The following CYP3A5 variants were observed in gnomAD, a reference collection of about 807,000 sequenced individuals.
CYP3A5 encodes the protein cytochrome P450 family 3 subfamily A member 5.
A neutral mutation model predicts 55.9 loss-of-function variants in CYP3A5; 51 were observed. The observed-to-expected ratio is 0.91, with a 90% CI of 0.73 to 1.15. CYP3A5 has a LOEUF of 1.15. CYP3A5 is among the 50% of genes most tolerant of loss of function. The pLI is 0.00. For missense variants in CYP3A5, 533 were observed against 596.6 expected, an observed-to-expected ratio of 0.89 and a Z score of 1.11; for synonymous variants, 196 against 213.9, an observed-to-expected ratio of 0.92 and a Z score of 0.73.
chr7:99,666,564 T>C, intron 6 of CYP3A5, 37 bp downstream of exon 6: 1 of 1,603,572 alleles, frequency 6.2e-7, no homozygotes, highest in Non-Finnish European at 8.5e-7. Context: ...GAAGGGCTCA[T>C]GACAGCTCAG....
chr7:99,659,706 G>C (rs1229471504), intron 10 of CYP3A5: 1 of 152,566 alleles, frequency 6.6e-6, no homozygotes, highest in Non-Finnish European at 1.5e-5. Flanking sequence ...ACCTCCTTGA[G>C]CTGCGGTGGG....
At chr7:99,674,500 G>A in intron 3 of CYP3A5, 33 bp downstream of exon 3, 2 of 1,583,396 alleles carry the variant, frequency 1.3e-6, no homozygotes, top group Non-Finnish European at 1.7e-6. Context: ...CACAGTAGCA[G>A]GTCTATCCAA....
At chr7:99,660,347 C>T in intron 10 of CYP3A5, 152 bp downstream of exon 10, 1 of 1,332,726 alleles carries the variant, frequency 7.5e-7, no homozygotes, top group East Asian at 3.4e-5. Flanking sequence ...CTATGTTTCT[C>T]CCTTTGTTTT....
chr7:99,679,019 T>G (rs1584483855), intron 1 of CYP3A5, among the ~76,000 whole-genome samples: 1 of 152,244 alleles, frequency 6.6e-6, no homozygotes. Context: ...TCATGGCTCC[T>G]GCCTTTTCAG....
chr7:99,676,481 G>T (rs1812297739), intron 1 of CYP3A5: 1 of 1,405,760 alleles, frequency 7.1e-7, no homozygotes, highest in Non-Finnish European at 9.5e-7. Context: ...GTCCTCAAAT[G>T]CTCCTGAGAG....
At chr7:99,655,503 C>A (rs977604142) in intron 10 of CYP3A5, among the ~76,000 whole-genome samples, 2 of 152,206 alleles carry the variant, frequency 1.3e-5, no homozygotes, top group Admixed American at 1.3e-4. Flanking sequence ...AGTTTGAAGT[C>A]AGGTAGCATG....
intron 7 of CYP3A5, 27 bp downstream of exon 7, chr7:99,665,137 AAG>A: frequency 3.9e-6 from 6 of 1,536,482 alleles, no homozygotes; most frequent in South Asian, 2.4e-5. Flanking sequence ...TATTTTTAAA[AAG>A]AGAGAAAGAA....
chr7:99,678,775 A>C (rs1404715923), intron 1 of CYP3A5, among the ~76,000 whole-genome samples: 1 of 152,272 alleles, frequency 6.6e-6, no homozygotes, highest in Non-Finnish European at 1.5e-5. Flanking sequence ...CTTTCTGTGA[A>C]AGAATTAAAA....
Position 99,666,948 on chromosome 7 carries a change from A to C in CYP3A5, c.432+4T>G, listed in dbSNP as rs1046659243. ...TCTAATTAAGACTCATCTTATTTTC[A>C]TACCTCCTTGAGTTTTCCGCTGGTG... is the stretch of plus-strand genomic sequence containing the variant. On this transcript the variant is annotated splice_donor_region_variant and intron_variant, in intron 5 of 12. Coordinates refer to ENST00000222982, the MANE Select transcript of CYP3A5 (RefSeq NM_000777.5). 1.9e-6 allele frequency: 3 copies of C among 1,613,078 alleles called. No individual in the cohort carries two copies. The highest frequency in any genetic ancestry group is 2.5e-6 in the Non-Finnish European group (3 of 1,179,288).
In CYP3A5 at chr7:99,675,767, C is replaced by T. The variant is rs1199958361; in HGVS notation, c.165+348G>A. Among the ~76,000 whole-genome samples the T allele has an allele frequency of 2.8e-5, 4 of 142,826 alleles. No homozygotes were observed. In the East Asian group the frequency reaches 8.1e-4, roughly 29 times the overall value. 93.7% of individuals were successfully genotyped at this position (142,826 alleles called of 152,430 possible). On this transcript the variant is annotated intron_variant, in intron 2 of 12. Transcript: ENST00000222982. ...GGAGTGCAGTGGTGCGATCACAGCT[C>T]AATACAGCCTTGACTTCCTGGGTTC...
At chr7:99,678,295 A>G (rs1812491205) in intron 1 of CYP3A5, among the ~76,000 whole-genome samples, 1 of 152,144 alleles carries the variant, frequency 6.6e-6, no homozygotes, top group Non-Finnish European at 1.5e-5. Context: ...TGGGGCCAGG[A>G]CCCATGAATA....
In CYP3A5 at chr7:99,662,134, T is replaced by C. The variant is rs969665375; in HGVS notation, c.865+682A>G. Among the ~76,000 whole-genome samples, 3 of 152,250 alleles carry C rather than the reference T, an allele frequency of 2.0e-5. No homozygotes were observed. Among genetic ancestry groups the C allele is most frequent in the Admixed American group, 6.5e-5 (1 of 15,278 alleles). ...GTAGACATGGACATGTTTAAAGTGG[T>C]ATACTGGAGTCTGCTGAGTCCTGCT... On this transcript the variant is annotated intron_variant, in intron 9 of 12. Coordinates refer to ENST00000222982, the MANE Select transcript of CYP3A5 (RefSeq NM_000777.5). This position sits in a 1 kb window ranked among gnomAD's most constrained non-coding sequence, Gnocchi z 4.3.
chr7:99,676,592 A>G (rs1303047276), intron 1 of CYP3A5: 1 of 1,345,972 alleles, frequency 7.4e-7, no homozygotes, highest in East Asian at 4.5e-5. Context: ...TAGAAAGAGT[A>G]AGATTTTTTT....
rs200312875 is a variant in CYP3A5 at position 99,672,676 on chromosome 7, C to T, written c.222G>A (p.Thr74=). The change falls in exon 4 of 13, where the codon ACG becomes ACA. Residue 74 remains threonine (T), a synonymous_variant. Coordinates refer to ENST00000222982, the MANE Select transcript of CYP3A5 (RefSeq NM_000777.5). ...CCAGCACAGGGAGTTGACCTTCATA[C>T]GTTCTGTGTGGGGACAACGGAGCTG... is the stretch of plus-strand genomic sequence containing the variant. ...CYKKYGKMWG[T]YEGQLPVLAI... is the part of the protein sequence containing the mutation. 1.4e-5 allele frequency: 23 copies of T among 1,614,010 alleles called. No homozygotes were observed. In the African/African-American group the frequency reaches 1.6e-4, roughly 11 times the overall value.
intron 3 of CYP3A5, among the ~76,000 whole-genome samples, chr7:99,673,087 C>T (rs916906213): frequency 6.6e-6 from 1 of 152,112 alleles, no homozygotes; most frequent in African/African-American, 2.4e-5. Flanking sequence ...AAATTGAAGG[C>T]AGGTAAATCA....
intron 1 of CYP3A5, among the ~76,000 whole-genome samples, chr7:99,678,270 G>T (rs1812488106): frequency 1.3e-5 from 2 of 152,150 alleles, no homozygotes; most frequent in Non-Finnish European, 2.9e-5. Context: ...TTTGCCCTTT[G>T]AGTGACCTCC....
intron 8 of CYP3A5, 143 bp downstream of exon 8, chr7:99,663,825 A>T: frequency 7.4e-7 from 1 of 1,354,402 alleles, no homozygotes; most frequent in Non-Finnish European, 9.5e-7. Flanking sequence ...CTCCTTCTTT[A>T]TTTCTACCAA....
chr7:99,666,938 T>C lies in CYP3A5; in HGVS notation c.432+14A>G. On this transcript the variant is annotated intron_variant, in intron 5 of 12. Transcript: ENST00000222982. ...TCTTTACATTTCTAATTAAGACTCATCTTATTTTCATACCTCCTTGAGTTT... is the reference window on the plus strand; with the variant it reads ...TCTTTACATTTCTAATTAAGACTCACCTTATTTTCATACCTCCTTGAGTTT... The C allele has an allele frequency of 6.2e-7, 1 of 1,611,900 alleles. No individual in the cohort carries two copies. The highest frequency in any genetic ancestry group is 8.5e-7 in the Non-Finnish European group (1 of 1,178,344).
chr7:99,679,388 A>G (rs1406643497), intron 1 of CYP3A5, among the ~76,000 whole-genome samples: 5 of 152,158 alleles, frequency 3.3e-5, no homozygotes, highest in African/African-American at 1.2e-4. Context: ...CATCCCTTCC[A>G]GCAGACACAG....
Sources: allele counts gnomAD v4.1 joint callset (sites outside exome capture counted in the v4.1 genomes callset), GRCh38; gene constraint gnomAD v4.1.1; non-coding constraint Gnocchi (gnomAD v3.1); transcripts MANE v1.5; gene names NCBI Gene and HGNC (gene_info 2026-07-23, HGNC 2026-07-21).